The following ACTR3C variants were observed in gnomAD, a reference collection of about 807,000 sequenced individuals.
ACTR3C encodes the protein actin-related protein 3C.
In ACTR3C, 18 loss-of-function variants were observed where a neutral mutation model predicts 26.3. That is an observed-to-expected ratio of 0.68 (90% confidence interval 0.47 to 1.01). The LOEUF is 1.01. Among genes scored for constraint, ACTR3C ranks in the 50% least tolerant of loss-of-function variants. The pLI, the probability that ACTR3C is intolerant of heterozygous loss-of-function variation, is 0.00. For synonymous variants in ACTR3C, 55 were observed against 94.5 expected (o/e 0.58, Z 2.42); for missense variants, 184 against 250.7 (o/e 0.73, Z 1.80).
At chr7:149,968,650 T>C in the ACTR3C span, among the ~76,000 whole-genome samples, 1 of 152,264 alleles carries the variant, frequency 6.6e-6, no homozygotes, top group South Asian at 2.1e-4. Context: ...CCATCATGTC[T>C]AGCCTTTTTA....
chr7:150,039,952 AG>A, the ACTR3C span, among the ~76,000 whole-genome samples: 1 of 124,034 alleles, frequency 8.1e-6, no homozygotes, highest in Admixed American at 8.2e-5. Flanking sequence ...GGAAAGGGGG[AG>A]GTTCGCAGTC....
the ACTR3C span, among the ~76,000 whole-genome samples, chr7:150,233,993 C>T: frequency 6.6e-6 from 1 of 152,082 alleles, no homozygotes; most frequent in Non-Finnish European, 1.5e-5. Flanking sequence ...GAGAATCAAG[C>T]TATATATAAT....
chr7:150,040,622 C>G, the ACTR3C span: 7 of 146,486 alleles, frequency 4.8e-5, 2 homozygotes, highest in African/African-American at 1.6e-4. Context: ...GAGCTGCGTT[C>G]GGACCCATGT....
At chr7:150,158,594 C>T in the ACTR3C span, among the ~76,000 whole-genome samples, 2 of 152,190 alleles carry the variant, frequency 1.3e-5, no homozygotes, top group Admixed American at 6.5e-5. Flanking sequence ...ATAAACACTG[C>T]ATGATCTTAC....
chr7:150,126,645 A>C, the ACTR3C span, among the ~76,000 whole-genome samples: 1 of 152,206 alleles, frequency 6.6e-6, no homozygotes, highest in South Asian at 2.1e-4. Context: ...CAGTGCCTTT[A>C]ATAGGCCCAA....
the ACTR3C span, among the ~76,000 whole-genome samples, chr7:149,988,017 G>C: frequency 2.0e-5 from 3 of 152,198 alleles, no homozygotes; most frequent in Non-Finnish European, 2.9e-5. Flanking sequence ...TGGTATAGCT[G>C]GTTTGTATAG....
At chr7:150,090,751 G>C in the ACTR3C span, among the ~76,000 whole-genome samples, 1 of 150,902 alleles carries the variant, frequency 6.6e-6, no homozygotes, top group Non-Finnish European at 1.5e-5. Context: ...TACATAAGTT[G>C]GATGAAATGC....
the ACTR3C span, among the ~76,000 whole-genome samples, chr7:150,050,071 C>A: frequency 1.8e-4 from 28 of 152,102 alleles, no homozygotes; most frequent in South Asian, 5.6e-3. Flanking sequence ...TGCTCTCAAC[C>A]CCCTCCTCTG....
At chr7:150,154,205 C>A in the ACTR3C span, among the ~76,000 whole-genome samples, 3 of 151,772 alleles carry the variant, frequency 2.0e-5, no homozygotes, top group African/African-American at 7.3e-5. Flanking sequence ...CACATGTACC[C>A]TAAAACTTAA....
At chr7:149,991,753 CAG>C in the ACTR3C span, among the ~76,000 whole-genome samples, 2 of 152,184 alleles carry the variant, frequency 1.3e-5, no homozygotes, top group Admixed American at 1.3e-4. Context: ...GTTTTTTAGA[CAG>C]AGTCTCACTC....
the ACTR3C span, among the ~76,000 whole-genome samples, chr7:149,924,101 C>T: frequency 7.3e-5 from 11 of 151,680 alleles, no homozygotes; most frequent in East Asian, 2.2e-3. Flanking sequence ...CCTAGCCAGG[C>T]ACGGTGGCTC....
intron 6 of ACTR3C, among the ~76,000 whole-genome samples, chr7:150,261,117 A>G (rs71238210): frequency 1.3e-5 from 2 of 152,230 alleles, no homozygotes; most frequent in African/African-American, 4.8e-5. Context: ...TTATAATTTC[A>G]AAGTCATGCT....
chr7:150,167,561 A>G, the ACTR3C span, among the ~76,000 whole-genome samples: 2 of 151,014 alleles, frequency 1.3e-5, no homozygotes, highest in East Asian at 3.8e-4. Flanking sequence ...AGGAAGTGGC[A>G]AATTTCAAAC....
the ACTR3C span, among the ~76,000 whole-genome samples, chr7:150,192,806 T>A: frequency 2.0e-5 from 3 of 152,216 alleles, no homozygotes; most frequent in Non-Finnish European, 4.4e-5. Flanking sequence ...ATCCTCAAAT[T>A]TTATTGTCAG....
chr7:149,977,326 T>C, the ACTR3C span, among the ~76,000 whole-genome samples: 1 of 152,216 alleles, frequency 6.6e-6, no homozygotes, highest in African/African-American at 2.4e-5. Flanking sequence ...CCAGGTAAAC[T>C]GGGACCCAAG....
the ACTR3C span, among the ~76,000 whole-genome samples, chr7:149,927,533 G>A: frequency 2.6e-5 from 4 of 151,754 alleles, no homozygotes; most frequent in Admixed American, 6.6e-5. Context: ...GTTCAAGACC[G>A]GCCTGACCAA....
At chr7:149,967,570 A>G in the ACTR3C span, among the ~76,000 whole-genome samples, 1 of 152,194 alleles carries the variant, frequency 6.6e-6, no homozygotes, top group Admixed American at 6.5e-5. Context: ...TGTCCTCTAA[A>G]AATGAACTCT....
chr7:150,188,208 T>C, the ACTR3C span, among the ~76,000 whole-genome samples: 4 of 152,210 alleles, frequency 2.6e-5, no homozygotes, highest in African/African-American at 4.8e-5. Context: ...AATGAAATAA[T>C]AGAGTTTATA....
chr7:149,968,020 C>T, the ACTR3C span, among the ~76,000 whole-genome samples: 1 of 152,306 alleles, frequency 6.6e-6, no homozygotes, highest in Non-Finnish European at 1.5e-5. Flanking sequence ...TTCTGCAGCT[C>T]TGGTTGCTAA....
Sources: gnomAD v4.1 joint callset for allele counts (sites outside exome capture counted in the v4.1 genomes callset) on GRCh38, gnomAD v4.1.1 for gene constraint, MANE v1.5 for transcripts, NCBI Gene and HGNC (gene_info 2026-07-23, HGNC 2026-07-21) for gene names.